Variants in BBS9 observed in about 807,000 individuals in gnomAD.
BBS9 encodes Bardet-Biedl syndrome 9.
A neutral mutation model predicts 117.7 loss-of-function variants in BBS9; 89 were observed. That is an observed-to-expected ratio of 0.76 (90% CI 0.64 to 0.90). The LOEUF (loss-of-function observed/expected upper bound fraction) is 0.90, where lower values mean the gene tolerates loss of function less well. Among genes scored for constraint, BBS9 ranks in the 40% least tolerant of loss-of-function variants. BBS9 has a pLI of 0.00. For missense variants in BBS9, 982 were observed against 1,042.2 expected, an observed-to-expected ratio of 0.94 and a Z score of 0.80; for synonymous variants, 379 against 370.9, an observed-to-expected ratio of 1.02 and a Z score of -0.25.
chr7:33,429,488 A>G (rs1563164770), intron 19 of BBS9, among the ~76,000 whole-genome samples: 4 of 152,206 alleles, frequency 2.6e-5, no homozygotes, highest in Admixed American at 2.0e-4. Context: ...TGGCTTTGCC[A>G]ACATACCACA....
At chr7:33,596,095 AG>A (rs1862711480) in intron 21 of BBS9, among the ~76,000 whole-genome samples, 1 of 151,996 alleles carries the variant, frequency 6.6e-6, no homozygotes, top group African/African-American at 2.4e-5. Context: ...CCTAGATGGC[AG>A]GTTGATAGGT....
At chr7:33,318,939 C>T (rs138410671) in intron 9 of BBS9, among the ~76,000 whole-genome samples, 85 of 152,148 alleles carry the variant, frequency 5.6e-4, no homozygotes, top group African/African-American at 1.7e-3. Context: ...CCAGTGTGGG[C>T]GGATCACGAG....
chr7:33,402,479 A>G (rs1221407528), intron 19 of BBS9, among the ~76,000 whole-genome samples: 2 of 152,072 alleles, frequency 1.3e-5, no homozygotes, highest in African/African-American at 2.4e-5. Flanking sequence ...CATTCCCCCA[A>G]AAGCCCCCTT....
At chr7:33,515,967 GGT>G (rs939667168) in intron 20 of BBS9, among the ~76,000 whole-genome samples, 1 of 152,176 alleles carries the variant, frequency 6.6e-6, no homozygotes, top group African/African-American at 2.4e-5. Flanking sequence ...GATAAGTCAT[GGT>G]GTGGTTTTAA....
chr7:33,161,205 C>T (rs532874690), intron 4 of BBS9, among the ~76,000 whole-genome samples: 54 of 151,842 alleles, frequency 3.6e-4, no homozygotes, highest in Non-Finnish European at 6.6e-4. Flanking sequence ...TGTGCTATGT[C>T]GGTTTGCTGC....
intron 19 of BBS9, among the ~76,000 whole-genome samples, chr7:33,430,264 T>C (rs550770185): frequency 7.2e-5 from 11 of 152,338 alleles, no homozygotes; most frequent in African/African-American, 2.6e-4. Context: ...TGTCAAGTAG[T>C]ATTTAGGCAC....
chr7:33,403,536 A>G (rs1030156291), intron 19 of BBS9, among the ~76,000 whole-genome samples: 11 of 136,466 alleles, frequency 8.1e-5, no homozygotes, highest in Admixed American at 2.6e-4. Context: ...TCATTGTTCA[A>G]TTCCCATCTA....
At chr7:33,589,029 T>C (rs1390979236) in intron 21 of BBS9, among the ~76,000 whole-genome samples, 1 of 152,112 alleles carries the variant, frequency 6.6e-6, no homozygotes, top group African/African-American at 2.4e-5. Context: ...TTTAAAACGA[T>C]CACGGGTTAC....
At chr7:33,480,900 A>G (rs1179011144) in intron 19 of BBS9, among the ~76,000 whole-genome samples, 2 of 152,096 alleles carry the variant, frequency 1.3e-5, no homozygotes, top group African/African-American at 4.8e-5. Context: ...ATGGTTTAAA[A>G]GTGTTTGGCA....
chr7:33,390,606 T>A, intron 19 of BBS9: 1 of 971,126 alleles, frequency 1.0e-6, no homozygotes. Context: ...AGGTGTTGAT[T>A]GTTCAATAAG....
At chr7:33,242,968 C>A in intron 5 of BBS9, 1 of 518,810 alleles carries the variant, frequency 1.9e-6, no homozygotes, top group Non-Finnish European at 3.9e-6. Context: ...ATCATTTGAA[C>A]TTTCTTGAGC....
At chr7:33,264,674 A>G (rs1798519289) in intron 7 of BBS9, among the ~76,000 whole-genome samples, 2 of 152,218 alleles carry the variant, frequency 1.3e-5, no homozygotes, top group East Asian at 3.9e-4. Context: ...TCTCCTTAAT[A>G]GGCAAAATTT....
chr7:33,510,372 G>A (rs961035440), intron 20 of BBS9, among the ~76,000 whole-genome samples: 1 of 151,952 alleles, frequency 6.6e-6, no homozygotes, highest in Non-Finnish European at 1.5e-5. Context: ...TGTGTTACTG[G>A]TTTGAGTCTG....
intron 21 of BBS9, among the ~76,000 whole-genome samples, chr7:33,577,582 A>G (rs183582921): frequency 1.3e-5 from 2 of 152,306 alleles, no homozygotes; most frequent in African/African-American, 4.8e-5. Flanking sequence ...AAATCATGCT[A>G]CTATAAAGAC....
intron 7 of BBS9, among the ~76,000 whole-genome samples, chr7:33,267,755 A>C (rs914945137): frequency 6.6e-6 from 1 of 152,126 alleles, no homozygotes; most frequent in Non-Finnish European, 1.5e-5. Flanking sequence ...ATGAGATTTA[A>C]ATGACAAGAA....
At chr7:33,248,168 A>G (rs1472918790) in intron 5 of BBS9, among the ~76,000 whole-genome samples, 2 of 152,200 alleles carry the variant, frequency 1.3e-5, no homozygotes, top group Admixed American at 6.5e-5. Context: ...TTGGAGTAAC[A>G]CTTGAATTAT....
At chr7:33,336,399 T>C (rs376573268) in intron 9 of BBS9, 42 bp from the exon 10 acceptor site, 2 of 1,548,198 alleles carry the variant, frequency 1.3e-6, no homozygotes, top group Non-Finnish European at 1.8e-6. Context: ...CTAACTCTAC[T>C]GAAATTTAAA....
intron 19 of BBS9, chr7:33,390,331 C>T: frequency 1.0e-6 from 1 of 985,188 alleles, no homozygotes; most frequent in Non-Finnish European, 1.2e-6. Context: ...GTCTTTTATA[C>T]ATTTAAAGTG....
intron 21 of BBS9, among the ~76,000 whole-genome samples, chr7:33,554,196 T>C (rs996994528): frequency 1.3e-5 from 2 of 152,106 alleles, no homozygotes; most frequent in African/African-American, 4.8e-5. Context: ...TGGTAAGGAA[T>C]TTAGATGATA....
Sources: allele counts gnomAD v4.1 joint callset (sites outside exome capture counted in the v4.1 genomes callset), GRCh38; gene constraint gnomAD v4.1.1; transcripts MANE v1.5; gene names NCBI Gene and HGNC (gene_info 2026-07-23, HGNC 2026-07-21).